Variants in FSTL5 observed in about 807,000 individuals in gnomAD.
FSTL5 encodes follistatin like 5.
Under a neutral mutation model 89.1 loss-of-function variants are expected in FSTL5, and 62 were observed. The ratio of observed to expected loss-of-function variants is 0.70; its 90% CI spans 0.57 to 0.86. FSTL5 has a LOEUF of 0.86. Ranked by LOEUF, FSTL5 falls within the 40% of genes least tolerant of loss-of-function variation. The pLI is 0.00. For missense variants in FSTL5, 1,057 were observed against 1,001.6 expected (o/e 1.06, Z -0.75); for synonymous variants, 383 against 346.2 (o/e 1.11, Z -1.18).
intron 13 of FSTL5, among the ~76,000 whole-genome samples, chr4:161,463,265 C>T (rs550868991): frequency 6.6e-6 from 1 of 152,058 alleles, no homozygotes; most frequent in East Asian, 1.9e-4. Flanking sequence ...AAGCTTTGCA[C>T]TAAATTCAGT....
chr4:161,686,805 A>G (rs1009659772), intron 6 of FSTL5, among the ~76,000 whole-genome samples: 1 of 152,168 alleles, frequency 6.6e-6, no homozygotes, highest in Admixed American at 6.5e-5. Flanking sequence ...CAATAGGCAC[A>G]CTTTTAAATA....
chr4:162,079,033 A>G (rs1388833), intron 2 of FSTL5, among the ~76,000 whole-genome samples: 142,043 of 151,766 alleles, frequency 0.94, 66,636 homozygotes, highest in Non-Finnish European at 0.98. Context: ...TGGAGGAAGG[A>G]CGTTTTACGA....
At chr4:161,659,219 G>A (rs145221807) in intron 6 of FSTL5, among the ~76,000 whole-genome samples, 1 of 151,972 alleles carries the variant, frequency 6.6e-6, no homozygotes, top group East Asian at 1.9e-4. Flanking sequence ...AATATATTTC[G>A]TGGTAATACT....
intron 6 of FSTL5, among the ~76,000 whole-genome samples, chr4:161,691,246 T>C (rs551065752): frequency 4.8e-4 from 73 of 152,230 alleles, no homozygotes; most frequent in African/African-American, 1.5e-3. Flanking sequence ...TCAACTTCAT[T>C]CTTCCACATG....
chr4:161,899,297 G>A (rs1733274939), intron 4 of FSTL5, among the ~76,000 whole-genome samples: 1 of 152,152 alleles, frequency 6.6e-6, no homozygotes, highest in South Asian at 2.1e-4. Context: ...AAGAAAAGAA[G>A]GAAAGAAGGA....
At chr4:161,570,644 G>A (rs180846247) in intron 8 of FSTL5, among the ~76,000 whole-genome samples, 1 of 152,176 alleles carries the variant, frequency 6.6e-6, no homozygotes, top group African/African-American at 2.4e-5. Context: ...ATTCCTAATA[G>A]TTCAGAGATC....
chr4:161,758,629 G>C (rs1388484709), intron 6 of FSTL5, among the ~76,000 whole-genome samples: 1 of 151,950 alleles, frequency 6.6e-6, no homozygotes, highest in East Asian at 1.9e-4. Context: ...GTGATTCTCC[G>C]GCCTCAGCCT....
chr4:162,030,600 A>C lies in FSTL5; in HGVS notation c.160+3025T>G, dbSNP rs140783001. Among the ~76,000 whole-genome samples the C allele has an allele frequency of 3.0e-3, 453 of 152,340 alleles. 12 individuals are homozygous for C. The East Asian group carries it at 0.043, about 14-fold the overall frequency. On this transcript the variant is annotated intron_variant, in intron 3 of 15. Coordinates refer to ENST00000306100, the MANE Select transcript of FSTL5 (RefSeq NM_020116.5). ...TTTTTCGGTGGATGGACAGTCCAAC[A>C]TCCTTTTATTTACGGAGAAGGGTAA...
At chr4:161,405,262 T>C (rs1731332515) in intron 15 of FSTL5, among the ~76,000 whole-genome samples, 1 of 146,664 alleles carries the variant, frequency 6.8e-6, no homozygotes, top group Non-Finnish European at 1.5e-5. Context: ...ATATTGCTCA[T>C]AGAGCTAAAG....
intron 15 of FSTL5, among the ~76,000 whole-genome samples, chr4:161,453,746 C>T (rs528000237): frequency 7.0e-4 from 107 of 152,186 alleles, no homozygotes; most frequent in Non-Finnish European, 1.4e-3. Context: ...AGACATGCAC[C>T]ACCATGTCGG....
At chr4:161,992,714 C>T (rs1394645914) in intron 3 of FSTL5, among the ~76,000 whole-genome samples, 1 of 150,374 alleles carries the variant, frequency 6.7e-6, no homozygotes, top group South Asian at 2.1e-4. Context: ...AGTGGTGGTG[C>T]GCGCCTGCAA....
intron 6 of FSTL5, among the ~76,000 whole-genome samples, chr4:161,701,688 TATTCAAA>T (rs561682797): frequency 3.5e-4 from 53 of 152,234 alleles, no homozygotes; most frequent in African/African-American, 1.2e-3. Flanking sequence ...TGCTCCTTGC[TATTCAAA>T]ATATGTTAAA....
rs577569199 is a variant in FSTL5, at chr4:161,644,670, G to T, written c.894+11658C>A. On this transcript the variant is annotated intron_variant, in intron 7 of 15. Coordinates refer to ENST00000306100, the MANE Select transcript of FSTL5 (RefSeq NM_020116.5). ...TAAGTTTTCTAGAATAAGCTAAAGA[G>T]TTTATTTTTTTCTCAGAAAGCTAGA... 6.3e-4 allele frequency among the ~76,000 whole-genome samples: 96 copies of T among 152,220 alleles called. 1 individual carries two copies. The highest frequency in any genetic ancestry group is 2.3e-3 in the African/African-American group (94 of 41,556).
intron 15 of FSTL5, among the ~76,000 whole-genome samples, chr4:161,394,591 A>T (rs2110886025): frequency 6.6e-6 from 1 of 152,210 alleles, no homozygotes; most frequent in Admixed American, 6.5e-5. Flanking sequence ...CGTAATTTTA[A>T]TAACCATGTA....
At chr4:161,703,296 C>T (rs577893921) in intron 6 of FSTL5, among the ~76,000 whole-genome samples, 1 of 152,274 alleles carries the variant, frequency 6.6e-6, no homozygotes, top group South Asian at 2.1e-4. Context: ...CAGAATCTTT[C>T]AACCTAAGTC....
At chr4:161,882,992 T>C (rs1732683367) in intron 4 of FSTL5, among the ~76,000 whole-genome samples, 2 of 152,164 alleles carry the variant, frequency 1.3e-5, no homozygotes, top group South Asian at 4.1e-4. Context: ...GGATCAATAG[T>C]GAATTCTTGA....
intron 13 of FSTL5, among the ~76,000 whole-genome samples, chr4:161,464,047 A>T (rs1445925023): frequency 1.3e-5 from 2 of 152,004 alleles, no homozygotes; most frequent in Admixed American, 1.3e-4. Context: ...TCAGCTCCAA[A>T]CTGTCAGTTT....
At chr4:161,978,165 A>G (rs1338113747) in intron 3 of FSTL5, among the ~76,000 whole-genome samples, 1 of 152,186 alleles carries the variant, frequency 6.6e-6, no homozygotes. Flanking sequence ...CACAAATCAT[A>G]ATAATTTTCT....
intron 13 of FSTL5, among the ~76,000 whole-genome samples, chr4:161,463,276 T>A: frequency 6.6e-6 from 1 of 152,176 alleles, no homozygotes; most frequent in East Asian, 1.9e-4. Flanking sequence ...TAAATTCAGT[T>A]ATTTTGCTGT....
Sources: gnomAD v4.1 joint callset for allele counts (sites outside exome capture counted in the v4.1 genomes callset) on GRCh38, gnomAD v4.1.1 for gene constraint, MANE v1.5 for transcripts, NCBI Gene and HGNC (gene_info 2026-07-23, HGNC 2026-07-21) for gene names.